Variants in CNTN4 observed in about 807,000 individuals in gnomAD.
CNTN4 encodes the protein contactin 4, also known as contactin-4.
Under a neutral mutation model 122.5 loss-of-function variants are expected in CNTN4, and 77 were observed. That is an observed-to-expected ratio of 0.63 (90% confidence interval 0.52 to 0.76). The LOEUF (loss-of-function observed/expected upper bound fraction) is 0.76, where lower values mean the gene tolerates loss of function less well. CNTN4 is among the 30% of genes least tolerant of loss of function. The pLI, the probability that CNTN4 is intolerant of heterozygous loss-of-function variation, is 0.00. For synonymous variants in CNTN4, 512 were observed against 447.0 expected (o/e 1.15, Z -1.83); for missense variants, 1,256 against 1,259.1 (o/e 1.00, Z 0.04).
At chr3:2,648,446 G>C (rs1173883580) in intron 4 of CNTN4, among the ~76,000 whole-genome samples, 2 of 152,156 alleles carry the variant, frequency 1.3e-5, no homozygotes, top group South Asian at 2.1e-4. Context: ...TGTCACAATA[G>C]TTCAAAGTTT....
intron 12 of CNTN4, among the ~76,000 whole-genome samples, chr3:2,921,675 A>G (rs545871761): frequency 6.6e-6 from 1 of 152,288 alleles, no homozygotes; most frequent in Non-Finnish European, 1.5e-5. Flanking sequence ...CTGTGATAGA[A>G]CTGGCATTAC....
intron 2 of CNTN4, among the ~76,000 whole-genome samples, chr3:2,320,374 G>A (rs1274073741): frequency 6.6e-6 from 1 of 152,140 alleles, no homozygotes; most frequent in Non-Finnish European, 1.5e-5. Context: ...AGGAAATCCT[G>A]AACTAATATT....
intron 2 of CNTN4, among the ~76,000 whole-genome samples, chr3:2,318,125 C>A (rs527976817): frequency 1.8e-4 from 28 of 151,474 alleles, no homozygotes; most frequent in Non-Finnish European, 3.4e-4. Flanking sequence ...GGCAGCAGGA[C>A]TGCTTGGGCC....
At chr3:2,840,630 C>T (rs1315098052) in intron 7 of CNTN4, among the ~76,000 whole-genome samples, 37 of 134,242 alleles carry the variant, frequency 2.8e-4, no homozygotes, top group Admixed American at 1.1e-3. Context: ...ACCCGGGAGG[C>T]GGAGCTTGCA....
At chr3:2,678,187 A>G (rs1319202616) in intron 4 of CNTN4, among the ~76,000 whole-genome samples, 2 of 152,198 alleles carry the variant, frequency 1.3e-5, no homozygotes, top group East Asian at 1.9e-4. Context: ...TTTTAATGCT[A>G]TTTTTGGATA....
intron 3 of CNTN4, among the ~76,000 whole-genome samples, chr3:2,373,490 C>T (rs1188713267): frequency 6.6e-6 from 1 of 152,220 alleles, no homozygotes; most frequent in Non-Finnish European, 1.5e-5. Flanking sequence ...TATAAACACT[C>T]TTTAAATGGA....
intron 2 of CNTN4, among the ~76,000 whole-genome samples, chr3:2,293,199 A>G (rs1039195241): frequency 6.6e-6 from 1 of 152,164 alleles, no homozygotes; most frequent in African/African-American, 2.4e-5. Flanking sequence ...TTTTTCAAAC[A>G]TATTTTTGTA....
intron 3 of CNTN4, among the ~76,000 whole-genome samples, chr3:2,483,825 T>C (rs890749020): frequency 3.3e-5 from 5 of 152,184 alleles, no homozygotes; most frequent in African/African-American, 1.2e-4. Context: ...CTTTATAAAA[T>C]ACCCAGTCTC....
chr3:2,936,201 A>T (rs983719923), intron 13 of CNTN4, among the ~76,000 whole-genome samples: 1 of 152,126 alleles, frequency 6.6e-6, no homozygotes, highest in Non-Finnish European at 1.5e-5. Context: ...GTGACTTACC[A>T]TGCACCCACC....
chr3:2,620,511 A>G (rs1310761807), intron 4 of CNTN4, among the ~76,000 whole-genome samples: 2 of 151,970 alleles, frequency 1.3e-5, no homozygotes, highest in Admixed American at 6.6e-5. Context: ...AAAAATATAT[A>G]TATATATTTA....
chr3:2,251,295 C>G (rs896964765), intron 2 of CNTN4, among the ~76,000 whole-genome samples: 2 of 151,766 alleles, frequency 1.3e-5, no homozygotes, highest in African/African-American at 2.4e-5. Context: ...GTTATATTCC[C>G]AAGGTATTGT....
chr3:2,908,949 C>T (rs575071816), intron 12 of CNTN4, among the ~76,000 whole-genome samples: 1 of 152,144 alleles, frequency 6.6e-6, no homozygotes. Flanking sequence ...CAAATACCAT[C>T]AAGTAACTGA....
chr3:2,802,626 A>G (rs1048744862), intron 6 of CNTN4, among the ~76,000 whole-genome samples: 9 of 152,186 alleles, frequency 5.9e-5, no homozygotes, highest in Non-Finnish European at 8.8e-5. Flanking sequence ...TTATGTATTG[A>G]TTGGTTGATG....
intron 4 of CNTN4, among the ~76,000 whole-genome samples, chr3:2,585,904 C>G (rs1387803326): frequency 1.3e-5 from 2 of 151,192 alleles, no homozygotes; most frequent in Admixed American, 6.6e-5. Context: ...ATGAGGCTAG[C>G]TAGGCTCAGT....
At chr3:2,800,487 C>G (rs1311122708) in intron 6 of CNTN4, among the ~76,000 whole-genome samples, 1 of 152,178 alleles carries the variant, frequency 6.6e-6, no homozygotes, top group Non-Finnish European at 1.5e-5. Context: ...CCACATCTTC[C>G]TACAAGATGA....
chr3:2,712,819 A>G (rs1329817454), intron 4 of CNTN4, among the ~76,000 whole-genome samples: 1 of 152,118 alleles, frequency 6.6e-6, no homozygotes, highest in Admixed American at 6.6e-5. Context: ...AATCATGCCT[A>G]TGTAAAGAAG....
At chr3:2,999,239 G>C (rs748671602) in intron 14 of CNTN4, 4 of 152,086 alleles carry the variant, frequency 2.6e-5, no homozygotes, top group South Asian at 2.1e-4. Flanking sequence ...GGACTAGCCT[G>C]GTTTCTTTAT....
At position 2,197,022 on chromosome 3, in the gene CNTN4, G is replaced by T. The variant is rs552903519; in HGVS notation, c.-145+96383G>T. Among the ~76,000 whole-genome samples the T allele has an allele frequency of 1.2e-3, 172 of 142,380 alleles. 1 individual carries two copies. The highest frequency in any genetic ancestry group is 3.9e-3 in the African/African-American group (148 of 37,664). The allele number at this position is 142,380 out of a possible 152,430, so 93.4% of individuals were successfully genotyped here. On this transcript the variant is annotated intron_variant, in intron 2 of 24. Transcript: ENST00000418658. ...ATCATGCCACTGCAGTCCAGCTTGG[G>T]CAACAAGAGCGAAACTCGGTCTCAC...
chr3:2,645,783 A>G (rs569207833), intron 4 of CNTN4, among the ~76,000 whole-genome samples: 74 of 152,334 alleles, frequency 4.9e-4, no homozygotes, highest in Non-Finnish European at 2.8e-4. Flanking sequence ...GTAGAAAGCT[A>G]GTCCTTGCCT....
Sources: gnomAD v4.1 joint callset for allele counts (sites outside exome capture counted in the v4.1 genomes callset) on GRCh38, gnomAD v4.1.1 for gene constraint, MANE v1.5 for transcripts, NCBI Gene and HGNC (gene_info 2026-07-23, HGNC 2026-07-21) for gene names.